CADPS: variants seen among roughly 807,000 people sequenced by gnomAD.
The protein encoded by CADPS is calcium dependent secretion activator, also known as calcium-dependent secretion activator 1.
CADPS carries 57 observed loss-of-function variants against 167.3 expected under a neutral mutation model. The observed-to-expected ratio is 0.34, with a 90% CI of 0.28 to 0.42. The LOEUF is 0.42. Ranked by LOEUF, CADPS falls within the 20% of genes least tolerant of loss-of-function variation. CADPS has a pLI of 1.00. For missense variants in CADPS, 1,414 were observed against 1,738.1 expected, an observed-to-expected ratio of 0.81 and a Z score of 3.32; for synonymous variants, 676 against 635.3, an observed-to-expected ratio of 1.06 and a Z score of -0.96.
At chr3:62,854,749 C>T (rs1201124451) in intron 1 of CADPS, among the ~76,000 whole-genome samples, 1 of 152,090 alleles carries the variant, frequency 6.6e-6, no homozygotes, top group Non-Finnish European at 1.5e-5. Flanking sequence ...AAAATATTTC[C>T]TGTTTGTACT....
chr3:62,761,286 G>A (rs543143429), intron 2 of CADPS, among the ~76,000 whole-genome samples: 1 of 152,016 alleles, frequency 6.6e-6, no homozygotes, highest in East Asian at 1.9e-4. Flanking sequence ...GGTTTCTGTT[G>A]CTAGCAACTA....
At chr3:62,677,126 T>C (rs989700583) in intron 3 of CADPS, among the ~76,000 whole-genome samples, 1 of 152,128 alleles carries the variant, frequency 6.6e-6, no homozygotes, top group Non-Finnish European at 1.5e-5. Context: ...ATTAATTTCA[T>C]GGCAACCTTC....
chr3:62,850,614 T>G (rs1434034650), intron 1 of CADPS, among the ~76,000 whole-genome samples: 1 of 147,578 alleles, frequency 6.8e-6, no homozygotes, highest in East Asian at 2.0e-4. Context: ...TGAGTTCTAG[T>G]TTGATTGCAC....
intron 28 of CADPS, among the ~76,000 whole-genome samples, chr3:62,406,739 C>T (rs1050760566): frequency 1.3e-5 from 2 of 152,158 alleles, no homozygotes; most frequent in East Asian, 3.8e-4. Flanking sequence ...GGGGAAAATT[C>T]TGTGAAGGTT....
At chr3:62,611,895 TA>T (rs1438149095) in intron 6 of CADPS, among the ~76,000 whole-genome samples, 1 of 152,174 alleles carries the variant, frequency 6.6e-6, no homozygotes, top group Non-Finnish European at 1.5e-5. Flanking sequence ...CCTTATCACT[TA>T]TTGCCACCCG....
rs201781478 is a variant in CADPS, at chr3:62,773,055, GA to G, written c.442-7072del. 2.3e-3 allele frequency among the ~76,000 whole-genome samples: 306 copies of G among 135,764 alleles called. 2 individuals carry two copies. The East Asian group carries it at 0.028, about 12-fold the overall frequency. The allele number at this position is 135,764 out of a possible 152,430, so 89.1% of individuals were successfully genotyped here. A position where few individuals can be genotyped will look rare whatever the true frequency, so the allele number is the denominator to read the frequency against. Reference sequence around the variant, plus strand: ...AGCTTTTCTTTATTATAGATAACTGGAAAAAAAGTCAACTCAACAAGTGTTT... The same window carrying G: ...AGCTTTTCTTTATTATAGATAACTGGAAAAAAGTCAACTCAACAAGTGTTT... On this transcript the variant is annotated intron_variant, in intron 1 of 29. Transcript: ENST00000383710.
chr3:62,416,308 C>A (rs1202420167), intron 28 of CADPS, among the ~76,000 whole-genome samples: 2 of 152,218 alleles, frequency 1.3e-5, no homozygotes, highest in Non-Finnish European at 2.9e-5. Context: ...TGCTTTAATG[C>A]TCATGAGAGC....
chr3:62,530,562 G>T (rs900958157), intron 13 of CADPS: 3 of 826,860 alleles, frequency 3.6e-6, no homozygotes, highest in African/African-American at 3.7e-5. Flanking sequence ...AATACTCAAA[G>T]CTTGCAAAAG....
At chr3:62,688,594 C>A (rs1266312563) in intron 3 of CADPS, among the ~76,000 whole-genome samples, 1 of 152,116 alleles carries the variant, frequency 6.6e-6, no homozygotes, top group African/African-American at 2.4e-5. Context: ...GTTGCCAACT[C>A]TTCTAAGGCA....
At chr3:62,619,111 T>G (rs780688924) in intron 6 of CADPS, among the ~76,000 whole-genome samples, 4 of 152,206 alleles carry the variant, frequency 2.6e-5, no homozygotes, top group Non-Finnish European at 5.9e-5. Context: ...CATACTACAC[T>G]GGTAGAGTTC....
At chr3:62,846,435 A>G (rs1000966248) in intron 1 of CADPS, among the ~76,000 whole-genome samples, 3 of 152,204 alleles carry the variant, frequency 2.0e-5, no homozygotes, top group Non-Finnish European at 2.9e-5. Context: ...AGGGCTTGCA[A>G]ATGGTAATAT....
intron 5 of CADPS, among the ~76,000 whole-genome samples, chr3:62,647,648 T>C (rs565835912): frequency 6.6e-6 from 1 of 152,298 alleles, no homozygotes; most frequent in South Asian, 2.1e-4. Context: ...AATGAGACGA[T>C]GCACATAAGT....
chr3:62,687,734 A>AT (rs201429638), intron 3 of CADPS, among the ~76,000 whole-genome samples: 37,796 of 128,006 alleles, frequency 0.3, 6,294 homozygotes, highest in East Asian at 0.67. Context: ...TTCCCTTCGC[A>AT]TTTTTTTTTT....
chr3:62,475,208 C>T (rs4688298), intron 23 of CADPS, among the ~76,000 whole-genome samples: 12,413 of 152,112 alleles, frequency 0.082, 585 homozygotes, highest in Admixed American at 0.12. Flanking sequence ...CTGACATGGC[C>T]AGCTGGTAAT....
chr3:62,780,845 A>G (rs531733034), intron 1 of CADPS, among the ~76,000 whole-genome samples: 2 of 152,166 alleles, frequency 1.3e-5, no homozygotes, highest in Non-Finnish European at 2.9e-5. Context: ...TAAATCTTTG[A>G]TAACAGCTCA....
chr3:62,414,262 G>C (rs1355095264), intron 28 of CADPS, among the ~76,000 whole-genome samples: 1 of 152,104 alleles, frequency 6.6e-6, no homozygotes, highest in Non-Finnish European at 1.5e-5. Context: ...TTTCAAGCCA[G>C]ATCTGCTCAA....
At chr3:62,692,961 G>A (rs752653034) in intron 3 of CADPS, among the ~76,000 whole-genome samples, 3 of 151,992 alleles carry the variant, frequency 2.0e-5, no homozygotes, top group African/African-American at 4.8e-5. Flanking sequence ...TACAAAGCTC[G>A]CTAATATCAC....
At chr3:62,697,722 AGTAGT>A (rs1478202408) in intron 3 of CADPS, among the ~76,000 whole-genome samples, 2 of 152,126 alleles carry the variant, frequency 1.3e-5, no homozygotes, top group Non-Finnish European at 2.9e-5. Flanking sequence ...CATTCCTACC[AGTAGT>A]GTAGAAGTCT....
rs559593780 is a variant in CADPS, at chr3:62,407,403, T to C, written c.3778-4218A>G. 3.9e-5 allele frequency among the ~76,000 whole-genome samples: 6 copies of C among 152,336 alleles called. No homozygotes were observed. The South Asian group carries it at 1.0e-3, about 26-fold the overall frequency. On this transcript the variant is annotated intron_variant, in intron 28 of 29. Transcript: ENST00000383710. ...CCAAACTTTGGGTTCATAAAGCACA[T>C]TTTAAACTATATTGACCTAGATTTA... is the stretch of plus-strand genomic sequence containing the variant.
Sources: allele counts gnomAD v4.1 joint callset (sites outside exome capture counted in the v4.1 genomes callset), GRCh38; gene constraint gnomAD v4.1.1; transcripts MANE v1.5; gene names NCBI Gene and HGNC (gene_info 2026-07-23, HGNC 2026-07-21).